Variants in LINGO2 observed in about 807,000 individuals in gnomAD.
The protein encoded by LINGO2 is leucine rich repeat and Ig domain containing 2, also known as leucine-rich repeat and immunoglobulin-like domain-containing nogo receptor-interacting protein 2.
LINGO2 carries 14 observed loss-of-function variants against 30.6 expected under a neutral mutation model. That is an observed-to-expected ratio of 0.46 (90% CI 0.30 to 0.72). The LOEUF (loss-of-function observed/expected upper bound fraction) is 0.72, where lower values mean the gene tolerates loss of function less well. Among genes scored for constraint, LINGO2 ranks in the 30% least tolerant of loss-of-function variants. The pLI, the probability that LINGO2 is intolerant of heterozygous loss-of-function variation, is 0.07. For missense variants in LINGO2, 729 were observed against 751.7 expected, an observed-to-expected ratio of 0.97 and a Z score of 0.35; for synonymous variants, 317 against 288.5, an observed-to-expected ratio of 1.10 and a Z score of -1.00.
intron 4 of LINGO2, among the ~76,000 whole-genome samples, chr9:28,183,296 G>A (rs529949125): frequency 6.6e-6 from 1 of 152,150 alleles, no homozygotes; most frequent in East Asian, 1.9e-4. Context: ...ACACACCAGG[G>A]CCTGTTGAGG....
intron 1 of LINGO2, among the ~76,000 whole-genome samples, chr9:28,546,483 C>T (rs1821952656): frequency 6.6e-6 from 1 of 152,042 alleles, no homozygotes. Context: ...TCTTCTTAAA[C>T]TCTCTGTGTA....
chr9:28,687,093 A>G, the LINGO2 span, among the ~76,000 whole-genome samples: 1 of 152,116 alleles, frequency 6.6e-6, no homozygotes, highest in African/African-American at 2.4e-5. Context: ...TGATTAAAAT[A>G]AACATTATAA....
rs570399549 is a variant in LINGO2, at chr9:28,442,655, T to C, written c.-279+33285A>G. 6.5e-4 allele frequency among the ~76,000 whole-genome samples: 99 copies of C among 152,296 alleles called. 1 individual carries two copies. Among genetic ancestry groups the C allele is most frequent in the African/African-American group, 2.3e-3 (94 of 41,566 alleles). ...TTCTTGTTTTTAAACATGGACTCTC[T>C]TTGAAACAGCAATCAAGAGTTTACA... On this transcript the variant is annotated intron_variant, in intron 2 of 5. Transcript: ENST00000379992.
chr9:29,094,549 TA>T, the LINGO2 span, among the ~76,000 whole-genome samples: 1 of 139,004 alleles, frequency 7.2e-6, no homozygotes, highest in Non-Finnish European at 1.6e-5. Flanking sequence ...GTCCTTTTTC[TA>T]TACCTCTCCT....
chr9:28,601,420 T>C (rs1418581246), intron 1 of LINGO2, among the ~76,000 whole-genome samples: 1 of 152,150 alleles, frequency 6.6e-6, no homozygotes, highest in Non-Finnish European at 1.5e-5. Flanking sequence ...TTCTGCGGTC[T>C]CTTGTTGAAA....
chr9:29,167,179 A>C, the LINGO2 span, among the ~76,000 whole-genome samples: 557 of 152,272 alleles, frequency 3.7e-3, 3 homozygotes, highest in African/African-American at 0.013. Context: ...ACATCAAAGG[A>C]ATTATAATTT....
chr9:29,161,159 G>A, the LINGO2 span, among the ~76,000 whole-genome samples: 31 of 152,224 alleles, frequency 2.0e-4, no homozygotes, highest in Admixed American at 1.4e-3. Flanking sequence ...TGCAGGTGTG[G>A]GGACCACAGG....
chr9:28,874,571 C>A, the LINGO2 span, among the ~76,000 whole-genome samples: 1 of 151,896 alleles, frequency 6.6e-6, no homozygotes, highest in Non-Finnish European at 1.5e-5. Flanking sequence ...TACTTCAAAA[C>A]TAGGGCACAG....
chr9:27,949,483 G>A (rs1587507824), exon 6 of LINGO2: 5 of 1,614,114 alleles, frequency 3.1e-6, no homozygotes, highest in Non-Finnish European at 1.7e-6. Flanking sequence ...GCAGTGCTAT[G>A]GAAATCCTTG....
At chr9:28,047,588 A>G (rs1406334037) in intron 4 of LINGO2, among the ~76,000 whole-genome samples, 1 of 150,086 alleles carries the variant, frequency 6.7e-6, no homozygotes, top group Non-Finnish European at 1.5e-5. Flanking sequence ...GTGGCCCTAG[A>G]CAGCTTACAT....
chr9:28,495,891 T>G (rs1819603131), intron 1 of LINGO2, among the ~76,000 whole-genome samples: 1 of 152,188 alleles, frequency 6.6e-6, no homozygotes, highest in Admixed American at 6.5e-5. Flanking sequence ...GGAACATCTT[T>G]ATTTCTGCCT....
At chr9:29,031,245 AGTGGTGGTGGTG>A in the LINGO2 span, among the ~76,000 whole-genome samples, 14 of 150,776 alleles carry the variant, frequency 9.3e-5, no homozygotes, top group South Asian at 2.1e-4. Flanking sequence ...ATAGTAACAA[AGTGGTGGTGGTG>A]GTGGTGGTGG....
At chr9:29,037,553 A>G in the LINGO2 span, among the ~76,000 whole-genome samples, 84 of 152,084 alleles carry the variant, frequency 5.5e-4, 1 homozygote, top group East Asian at 0.013. Context: ...GCGTAATATC[A>G]TGCATTTCTA....
chr9:28,072,278 T>C (rs1825502197), intron 4 of LINGO2, among the ~76,000 whole-genome samples: 1 of 152,216 alleles, frequency 6.6e-6, no homozygotes, highest in Non-Finnish European at 1.5e-5. Flanking sequence ...TGTCCTCTCT[T>C]AAGAAAATGC....
At chr9:28,441,720 A>G (rs1451657727) in intron 2 of LINGO2, among the ~76,000 whole-genome samples, 1 of 152,184 alleles carries the variant, frequency 6.6e-6, no homozygotes. Context: ...AATAACAAAG[A>G]AGAAAATAAC....
the LINGO2 span, among the ~76,000 whole-genome samples, chr9:28,873,625 A>G: frequency 1.3e-5 from 2 of 152,062 alleles, no homozygotes; most frequent in Non-Finnish European, 2.9e-5. Context: ...TTGTGATACA[A>G]CTTTGTAACT....
chr9:28,745,866 A>G, the LINGO2 span, among the ~76,000 whole-genome samples: 1 of 152,012 alleles, frequency 6.6e-6, no homozygotes, highest in Non-Finnish European at 1.5e-5. Context: ...CACTTATAGC[A>G]AAAATTGGAC....
chr9:28,021,630 C>T (rs1443128136), intron 4 of LINGO2, among the ~76,000 whole-genome samples: 1 of 152,016 alleles, frequency 6.6e-6, no homozygotes, highest in Non-Finnish European at 1.5e-5. Context: ...TCCATTTCTC[C>T]TTGGAATTTT....
chr9:28,546,214 G>T (rs1043228519), intron 1 of LINGO2, among the ~76,000 whole-genome samples: 1 of 151,942 alleles, frequency 6.6e-6, no homozygotes, highest in South Asian at 2.1e-4. Context: ...TAGTGTAGGG[G>T]TAGACAGACA....
Sources: allele counts gnomAD v4.1 joint callset (sites outside exome capture counted in the v4.1 genomes callset), GRCh38; gene constraint gnomAD v4.1.1; transcripts MANE v1.5; gene names NCBI Gene and HGNC (gene_info 2026-07-23, HGNC 2026-07-21).